The following MACROD2 variants were observed in gnomAD, a reference collection of about 807,000 sequenced individuals.
MACROD2 encodes the protein ADP-ribose glycohydrolase MACROD2.
MACROD2 carries 36 observed loss-of-function variants against 70.4 expected under a neutral mutation model. The ratio of observed to expected loss-of-function variants is 0.51; its 90% confidence interval spans 0.39 to 0.68. The LOEUF (loss-of-function observed/expected upper bound fraction) is 0.68, where lower values mean the gene tolerates loss of function less well. Among genes scored for constraint, MACROD2 ranks in the 30% least tolerant of loss-of-function variants. The probability of loss-of-function intolerance (pLI) is 0.00; values close to 1 mark genes in which losing one functional copy is unlikely to be tolerated. For synonymous variants in MACROD2, 172 were observed against 178.8 expected (o/e 0.96, Z 0.30); for missense variants, 496 against 538.4 (o/e 0.92, Z 0.78).
At chr20:15,007,331 T>C (rs1456926637) in intron 5 of MACROD2, among the ~76,000 whole-genome samples, 1 of 150,820 alleles carries the variant, frequency 6.6e-6, no homozygotes, top group Non-Finnish European at 1.5e-5. Context: ...ACCACTGCAC[T>C]CCAGCCTGGG....
intron 8 of MACROD2, among the ~76,000 whole-genome samples, chr20:15,594,499 C>A (rs189129763): frequency 1.3e-5 from 2 of 152,290 alleles, no homozygotes; most frequent in Admixed American, 6.5e-5. Context: ...AGAAAGGCTG[C>A]ACCAAGCCTC....
intron 5 of MACROD2, among the ~76,000 whole-genome samples, chr20:15,201,854 G>T (rs1039485496): frequency 6.6e-6 from 1 of 152,050 alleles, no homozygotes; most frequent in African/African-American, 2.4e-5. Context: ...ACCTCCCTGG[G>T]GTCTGAACAG....
intron 9 of MACROD2, among the ~76,000 whole-genome samples, chr20:15,884,469 G>A (rs1307984680): frequency 6.6e-6 from 1 of 152,034 alleles, no homozygotes; most frequent in African/African-American, 2.4e-5. Flanking sequence ...GGCCTTGAGT[G>A]TTATCGGGAA....
chr20:14,402,888 G>A (rs2083653001), intron 3 of MACROD2, among the ~76,000 whole-genome samples: 1 of 152,154 alleles, frequency 6.6e-6, no homozygotes, highest in Non-Finnish European at 1.5e-5. Context: ...TCAAGAAGGA[G>A]GAAGAGGCTA....
intron 8 of MACROD2, among the ~76,000 whole-genome samples, chr20:15,703,414 C>G (rs1456587959): frequency 6.6e-6 from 1 of 152,174 alleles, no homozygotes; most frequent in African/African-American, 2.4e-5. Context: ...GGAGTCACTT[C>G]ACTCTTGTAA....
intron 5 of MACROD2, among the ~76,000 whole-genome samples, chr20:14,952,039 C>A (rs917610030): frequency 1.3e-5 from 2 of 152,076 alleles, no homozygotes; most frequent in African/African-American, 4.8e-5. Context: ...CCTGCCCTCC[C>A]CTGTGACTGT....
intron 5 of MACROD2, among the ~76,000 whole-genome samples, chr20:14,727,831 A>G (rs1328491258): frequency 2.6e-5 from 4 of 152,200 alleles, no homozygotes; most frequent in African/African-American, 9.7e-5. Context: ...CCCATATGGA[A>G]GAATTTTCCA....
At chr20:14,365,858 C>CTAATAG (rs2083266990) in intron 3 of MACROD2, among the ~76,000 whole-genome samples, 1 of 152,010 alleles carries the variant, frequency 6.6e-6, no homozygotes, top group Admixed American at 6.5e-5. Context: ...TTTCTTTGGC[C>CTAATAG]TAATAGTTGG....
chr20:14,700,238 C>T (rs1466627695), intron 5 of MACROD2, among the ~76,000 whole-genome samples: 3 of 151,672 alleles, frequency 2.0e-5, no homozygotes, highest in Non-Finnish European at 4.4e-5. Context: ...ACCTATAGAC[C>T]ATAGTCTGGG....
chr20:14,077,475 G>C (rs964064554), intron 2 of MACROD2, among the ~76,000 whole-genome samples: 4 of 152,116 alleles, frequency 2.6e-5, no homozygotes, highest in Non-Finnish European at 4.4e-5. Flanking sequence ...AAGTGTATTG[G>C]TCGTTAAAAT....
chr20:14,257,093 A>G (rs1479183976), intron 3 of MACROD2, among the ~76,000 whole-genome samples: 2 of 152,182 alleles, frequency 1.3e-5, no homozygotes, highest in Non-Finnish European at 2.9e-5. Flanking sequence ...AAAACAAAAA[A>G]CAAATACAAA....
At chr20:14,255,726 A>T (rs12480524) in intron 3 of MACROD2, among the ~76,000 whole-genome samples, 1,984 of 59,986 alleles carry the variant, frequency 0.033, 24 homozygotes, top group Non-Finnish European at 0.078. Context: ...AATAAATAAA[A>T]AAGAAAATGT....
chr20:14,778,226 A>G (rs922233308), intron 5 of MACROD2, among the ~76,000 whole-genome samples: 1 of 152,154 alleles, frequency 6.6e-6, no homozygotes, highest in Non-Finnish European at 1.5e-5. Flanking sequence ...ATTTGGCAGT[A>G]AACAGCAGGC....
intron 5 of MACROD2, among the ~76,000 whole-genome samples, chr20:15,177,852 A>G (rs1417674347): frequency 6.6e-6 from 1 of 152,192 alleles, no homozygotes. Flanking sequence ...CTATTATTTA[A>G]GAGTATAGAA....
chr20:15,089,299 G>T (rs2075775726), intron 5 of MACROD2, among the ~76,000 whole-genome samples: 1 of 152,078 alleles, frequency 6.6e-6, no homozygotes, highest in Non-Finnish European at 1.5e-5. Context: ...TCTTTAAGAG[G>T]TTTTTAACTA....
intron 3 of MACROD2, among the ~76,000 whole-genome samples, chr20:14,385,254 A>G (rs1199342338): frequency 6.6e-6 from 1 of 152,160 alleles, no homozygotes; most frequent in Non-Finnish European, 1.5e-5. Context: ...TAGGAGTAAA[A>G]TGATACACTA....
At chr20:14,940,229 G>C (rs1173119198) in intron 5 of MACROD2, among the ~76,000 whole-genome samples, 1 of 148,098 alleles carries the variant, frequency 6.8e-6, no homozygotes, top group Non-Finnish European at 1.5e-5. Context: ...AACTAGTCCA[G>C]AAGCTAAGTT....
At chr20:15,491,215 G>A (rs369305304) in intron 7 of MACROD2, among the ~76,000 whole-genome samples, 9 of 152,204 alleles carry the variant, frequency 5.9e-5, no homozygotes, top group East Asian at 5.8e-4. Flanking sequence ...TATACTCCCC[G>A]AAGTGAAATA....
At chr20:13,996,425 A>C (rs2052656228) in intron 1 of MACROD2, 1 of 158,288 alleles carries the variant, frequency 6.3e-6, no homozygotes, top group Non-Finnish European at 1.4e-5. Flanking sequence ...GTTGTCCGTG[A>C]GGATAAGTGC....
Sources: allele counts gnomAD v4.1 joint callset (sites outside exome capture counted in the v4.1 genomes callset), GRCh38; gene constraint gnomAD v4.1.1; transcripts MANE v1.5; gene names NCBI Gene and HGNC (gene_info 2026-07-23, HGNC 2026-07-21).